The following LDB3 variants were observed in gnomAD, a reference collection of about 807,000 sequenced individuals.
LDB3 encodes the protein LIM domain binding 3, also known as LIM domain-binding protein 3.
Under a neutral mutation model 69.0 loss-of-function variants are expected in LDB3, and 49 were observed. The ratio of observed to expected loss-of-function variants is 0.71; its 90% CI spans 0.56 to 0.90. The LOEUF (loss-of-function observed/expected upper bound fraction) is 0.90, where lower values mean the gene tolerates loss of function less well. Among genes scored for constraint, LDB3 ranks in the 40% least tolerant of loss-of-function variants. LDB3 has a pLI of 0.00. For synonymous variants in LDB3, 387 were observed against 396.2 expected (o/e 0.98, Z 0.28); for missense variants, 928 against 974.1 (o/e 0.95, Z 0.63).
At chr10:86,712,946 A>T (rs1425057575) in intron 9 of LDB3, among the ~76,000 whole-genome samples, 1 of 152,002 alleles carries the variant, frequency 6.6e-6, no homozygotes, top group Non-Finnish European at 1.5e-5. Context: ...CTGTAGTCCC[A>T]GCTACTCGGG....
At chr10:86,702,005 G>A (rs1261916980) in intron 7 of LDB3, among the ~76,000 whole-genome samples, 1 of 152,204 alleles carries the variant, frequency 6.6e-6, no homozygotes, top group Admixed American at 6.5e-5. Flanking sequence ...TGTGGGCCCT[G>A]GAGTTGCATG....
intron 13 of LDB3, among the ~76,000 whole-genome samples, chr10:86,729,030 TAGTA>T (rs1847368225): frequency 2.0e-5 from 3 of 152,100 alleles, no homozygotes; most frequent in African/African-American, 7.2e-5. Flanking sequence ...TCCAAAAAAT[TAGTA>T]AGAGAAAGAT....
chr10:86,700,861 T>G (rs1846233695), intron 7 of LDB3, among the ~76,000 whole-genome samples: 2 of 152,202 alleles, frequency 1.3e-5, no homozygotes, highest in African/African-American at 4.8e-5. Flanking sequence ...TTGTGTGAAA[T>G]CACAGGCTGA....
rs1226505435 is a variant in LDB3 at position 86,735,953 on chromosome 10, G to C, written c.*2977G>C. The C allele has an allele frequency of 6.6e-6, 1 of 151,376 alleles. No individual in the cohort carries two copies. Among genetic ancestry groups the C allele is most frequent in the Non-Finnish European group, 1.5e-5 (1 of 67,888 alleles). 9.4% of individuals were successfully genotyped at this position (151,376 alleles called of 1,614,324 possible). A position where few individuals can be genotyped will look rare whatever the true frequency, so the allele number is the denominator to read the frequency against. ...TTGTTTTGTTTTTGGAAACATTTCA[G>C]AAGTGGAATGTAGCCTGTTAAAGGT... On this transcript the variant is annotated 3_prime_UTR_variant, in exon 14 of 14. Transcript: ENST00000361373.
chr10:86,690,535 A>C (rs1412681313), intron 5 of LDB3, among the ~76,000 whole-genome samples: 1 of 152,110 alleles, frequency 6.6e-6, no homozygotes, highest in Non-Finnish European at 1.5e-5. Context: ...AGCTCCACCC[A>C]ACCTCGATCA....
At chr10:86,728,592 T>TTTTTTGTTTTTTTG (rs1589687505) in intron 13 of LDB3, among the ~76,000 whole-genome samples, 2 of 149,704 alleles carry the variant, frequency 1.3e-5, no homozygotes, top group African/African-American at 4.9e-5. Context: ...TTTTGTTTTT[T>TTTTTTGTTTTTTTG]TTTTTTTTTG....
At position 86,734,585 on chromosome 10, in the gene LDB3, A is replaced by C. The variant is rs1847567215; in HGVS notation, c.*1609A>C. The C allele has an allele frequency of 6.6e-6, 1 of 152,178 alleles. No individual in the cohort carries two copies. The highest frequency in any genetic ancestry group is 2.4e-5 in the African/African-American group (1 of 41,426). The allele number at this position is 152,178 out of a possible 1,614,324, so 9.4% of individuals were successfully genotyped here. On this transcript the variant is annotated 3_prime_UTR_variant, in exon 14 of 14. Coordinates refer to ENST00000361373, the MANE Select transcript of LDB3 (RefSeq NM_007078.3). ...GAATGTATTAGAACTCTTTTCTTCT[A>C]AGGACTGAGACTTCCAGGGGATTGC...
intron 5 of LDB3, among the ~76,000 whole-genome samples, chr10:86,688,050 C>CGT (rs71487273): frequency 0.083 from 8,553 of 102,910 alleles, 435 homozygotes; most frequent in African/African-American, 0.1. Context: ...CCCCGACCCT[C>CGT]GTGTGTGTGT....
intron 6 of LDB3, 41 bp downstream of exon 6, chr10:86,692,106 G>T (rs759769578): frequency 6.2e-7 from 1 of 1,610,530 alleles, no homozygotes. Flanking sequence ...GGAGGGAGAT[G>T]CTGAGGGGCC....
chr10:86,699,921 C>T lies in LDB3; in HGVS notation c.897-6610C>T, dbSNP rs1412221289. The T allele has an allele frequency of 1.0e-6, 1 of 1,004,568 alleles. No individual in the cohort carries two copies. The highest frequency in any genetic ancestry group is 1.2e-6 in the Non-Finnish European group (1 of 840,584). The allele number at this position is 1,004,568 out of a possible 1,614,324, so 62.2% of individuals were successfully genotyped here. ...AGCCCCAGGGTAATGAGGCAGAGAC[C>T]CCTCCTGGCAGTGGTGAGGTGGGGG... On this transcript the variant is annotated intron_variant, in intron 7 of 13. Transcript: ENST00000361373. This position sits in a 1 kb window ranked among gnomAD's most constrained non-coding sequence, Gnocchi z 4.9.
intron 5 of LDB3, among the ~76,000 whole-genome samples, chr10:86,690,524 C>T (rs1393012608): frequency 1.3e-5 from 2 of 152,272 alleles, no homozygotes; most frequent in African/African-American, 4.8e-5. Context: ...GAAGCCAGGG[C>T]AGCTCCACCC....
rs554413621 is a variant in LDB3, at chr10:86,721,036, C to T, written c.1978+2189C>T. 2.7e-4 allele frequency among the ~76,000 whole-genome samples: 41 copies of T among 152,238 alleles called. 1 individual carries two copies. The South Asian group carries it at 8.3e-3, about 31-fold the overall frequency. ...TGTTGCCCAGGCTGGTCTTGAAATC[C>T]AGGGCTCAAGCAATCCTCCTGCCTT... On this transcript the variant is annotated intron_variant, in intron 12 of 13. Coordinates refer to ENST00000361373, the MANE Select transcript of LDB3 (RefSeq NM_007078.3).
Position 86,699,704 on chromosome 10 carries a change from G to C in LDB3, c.897-6827G>C. 1 of 1,179,070 alleles carries C rather than the reference G, an allele frequency of 8.5e-7. No homozygotes were observed. The highest frequency in any genetic ancestry group is 2.0e-5 in the South Asian group (1 of 49,844). 73.0% of individuals were successfully genotyped at this position (1,179,070 alleles called of 1,614,324 possible). A position where few individuals can be genotyped will look rare whatever the true frequency, so the allele number is the denominator to read the frequency against. On this transcript the variant is annotated intron_variant, in intron 7 of 13. Transcript: ENST00000361373. The surrounding 1 kb of genome is among the most constrained non-coding windows in gnomAD (Gnocchi z 4.9). ...AGGGGTTTGCTGGCATAACACCCCA[G>C]AACCAAGGGAAATGGATGGGCCGCT... is the stretch of plus-strand genomic sequence containing the variant.
rs1846893177 is a variant in LDB3, at chr10:86,716,741, C to T, written c.1646C>T (p.Pro549Leu). The change falls in exon 10 of 14, where the codon CCA becomes CTA. Residue 549 changes from proline to leucine, a missense_variant. Coordinates refer to ENST00000361373, the MANE Select transcript of LDB3 (RefSeq NM_007078.3). The part of the protein sequence containing the change: ...AERFPASSRT[P>L]LCGHCNNVIR... ...CGATTCCCAGCCAGCAGCCGGACTC[C>T]ACTCTGCGGTCACTGCAACAATGTC... The T allele has an allele frequency of 6.2e-7, 1 of 1,612,460 alleles. No individual in the cohort carries two copies. The highest frequency in any genetic ancestry group is 8.5e-7 in the Non-Finnish European group (1 of 1,179,620).
intron 6 of LDB3, 70 bp from the exon 7 acceptor site, chr10:86,692,465 C>T (rs1845812071): frequency 2.0e-6 from 3 of 1,499,940 alleles, no homozygotes; most frequent in East Asian, 2.3e-5. Context: ...ACTCAGTGCC[C>T]ACAGAGCCCC....
intron 12 of LDB3, among the ~76,000 whole-genome samples, chr10:86,724,956 G>GA (rs1847206240): frequency 6.6e-6 from 1 of 152,182 alleles, no homozygotes; most frequent in Admixed American, 6.5e-5. Context: ...GTTGGGATTT[G>GA]AACCCAGCTC....
Position 86,718,072 on chromosome 10 carries a change from C to T in LDB3, c.1785C>T (p.Asn595=), listed in dbSNP as rs757550916. 8.1e-6 allele frequency: 13 copies of T among 1,614,026 alleles called. No individual in the cohort carries two copies. In the Admixed American group the frequency reaches 1.3e-4, roughly 17 times the overall value. ...TGTGCTTTGTGGAAGAGCAGAACAA[C>T]GTTTACTGTGAGCGATGTTATGAGC... ...ADVCFVEEQN[N]VYCERCYEQF... The change falls in exon 11 of 14, where the codon AAC becomes AAT. Residue 595 remains asparagine, a synonymous_variant. Coordinates refer to ENST00000361373, the MANE Select transcript of LDB3 (RefSeq NM_007078.3).
chr10:86,670,044 C>T lies in LDB3; in HGVS notation c.93+1260C>T, dbSNP rs767751968. The stretch of plus-strand genomic sequence containing the variant: ...GAGGAGTAATCTTTTTTTTGTTCCA[C>T]GGGTACTTGAGGGGACCCCAGAAGT... On this transcript the variant is annotated intron_variant, in intron 2 of 13. Transcript: ENST00000361373. Among the ~76,000 whole-genome samples, 7 of 151,946 alleles carry T rather than the reference C, an allele frequency of 4.6e-5. No individual in the cohort carries two copies. The South Asian group carries it at 6.2e-4, about 14-fold the overall frequency.
intron 9 of LDB3, among the ~76,000 whole-genome samples, chr10:86,710,747 A>T (rs895285155): frequency 7.2e-5 from 11 of 152,238 alleles, no homozygotes; most frequent in African/African-American, 2.7e-4. Context: ...GCACTGAGTC[A>T]GGGCAGGCCT....
Sources: gnomAD v4.1 joint callset for allele counts (sites outside exome capture counted in the v4.1 genomes callset) on GRCh38, gnomAD v4.1.1 for gene constraint, Gnocchi (gnomAD v3.1) non-coding constraint, MANE v1.5 for transcripts, NCBI Gene and HGNC (gene_info 2026-07-23, HGNC 2026-07-21) for gene names.